The following DIP2B variants were observed in gnomAD, a reference collection of about 807,000 sequenced individuals.
DIP2B encodes DIP2 acetate--CoA ligase B (putative).
DIP2B carries 76 observed loss-of-function variants against 198.0 expected under a neutral mutation model. The observed-to-expected ratio is 0.38, with a 90% CI of 0.32 to 0.46. DIP2B has a LOEUF of 0.46. Ranked by LOEUF, DIP2B falls within the 20% of genes least tolerant of loss-of-function variation. DIP2B has a pLI of 0.99. For missense variants in DIP2B, 1,559 were observed against 1,978.4 expected (o/e 0.79, Z 4.02); for synonymous variants, 701 against 739.1 (o/e 0.95, Z 0.84).
At chr12:50,650,359 T>C (rs1938432458) in intron 3 of DIP2B, among the ~76,000 whole-genome samples, 2 of 152,260 alleles carry the variant, frequency 1.3e-5, no homozygotes, top group South Asian at 4.1e-4. Flanking sequence ...TTTGACAGTT[T>C]TTAAGTATAC....
At position 50,722,315 on chromosome 12, in the gene DIP2B, T is replaced by C. The variant is rs181483092; in HGVS notation, c.3167-887T>C. On this transcript the variant is annotated intron_variant, in intron 26 of 37. Transcript: ENST00000301180. Reference sequence around the variant, plus strand: ...TTATTTTATTTTTGAGACGGAGCCTTGCTCTGCCACCCACTGCAACCTCCG... The same window carrying C: ...TTATTTTATTTTTGAGACGGAGCCTCGCTCTGCCACCCACTGCAACCTCCG... Among the ~76,000 whole-genome samples, 10 of 151,752 alleles carry C rather than the reference T, an allele frequency of 6.6e-5. No individual in the cohort carries two copies. In the East Asian group the frequency reaches 1.7e-3, roughly 26 times the overall value.
intron 1 of DIP2B, 30 bp from the exon 2 acceptor site, chr12:50,625,946 A>AT: frequency 6.2e-7 from 1 of 1,607,084 alleles, no homozygotes; most frequent in Non-Finnish European, 8.5e-7. Flanking sequence ...AGAATAATGC[A>AT]TAACCTATTT....
chr12:50,719,082 C>A (rs1007291218), intron 25 of DIP2B, 47 bp downstream of exon 25: 7 of 1,574,864 alleles, frequency 4.4e-6, no homozygotes, highest in Non-Finnish European at 6.1e-6. Flanking sequence ...TACTATAGGA[C>A]CATCTTAGGC....
At chr12:50,715,522 C>CT (rs1397843965) in intron 23 of DIP2B, among the ~76,000 whole-genome samples, 2 of 152,084 alleles carry the variant, frequency 1.3e-5, no homozygotes, top group Non-Finnish European at 2.9e-5. Context: ...TTTCATTGTC[C>CT]TAAACAAGTG....
intron 1 of DIP2B, among the ~76,000 whole-genome samples, chr12:50,570,176 G>C (rs560028023): frequency 2.6e-5 from 4 of 152,190 alleles, no homozygotes; most frequent in African/African-American, 9.6e-5. Flanking sequence ...TTTTCCTTTA[G>C]ATATCCGATT....
In DIP2B at chr12:50,620,240, G is replaced by A. The variant is rs576487154; in HGVS notation, c.101-5736G>A. On this transcript the variant is annotated intron_variant, in intron 1 of 37. Transcript: ENST00000301180. ...CCCTACCACCTTGTGGCTTTTAGGA[G>A]GCTTGGGTGGCTGGCAGGCTCACGC... Among the ~76,000 whole-genome samples, 3 of 152,302 alleles carry A rather than the reference G, an allele frequency of 2.0e-5. No individual in the cohort carries two copies. In the East Asian group the frequency reaches 5.8e-4, roughly 29 times the overall value.
At chr12:50,724,907 G>C in intron 28 of DIP2B, 21 bp downstream of exon 28, 1 of 1,607,804 alleles carries the variant, frequency 6.2e-7, no homozygotes. Context: ...GACTTCTTCT[G>C]AGGGTGGAGG....
intron 1 of DIP2B, among the ~76,000 whole-genome samples, chr12:50,581,982 C>G (rs79382803): frequency 2.0e-5 from 3 of 151,974 alleles, no homozygotes; most frequent in African/African-American, 2.4e-5. Context: ...ACTGAATCCT[C>G]GAGTTAGGCC....
chr12:50,511,877 G>A lies in DIP2B; in HGVS notation c.100+6637G>A, dbSNP rs186208885. ...GCAGGAGAATTGCTTGAACTCAGGA[G>A]GCAGATGTTGCAGTGAGCCGAGATC... On this transcript the variant is annotated intron_variant, in intron 1 of 37. Transcript: ENST00000301180. 1.2e-4 allele frequency among the ~76,000 whole-genome samples: 18 copies of A among 147,838 alleles called. No individual in the cohort carries two copies. In the East Asian group the frequency reaches 2.3e-3, roughly 19 times the overall value.
rs760105891 is a variant in DIP2B, at chr12:50,714,606, T to C, written c.2851+10T>C. The C allele has an allele frequency of 3.7e-5, 59 of 1,613,788 alleles. 2 individuals are homozygous for C. The South Asian group carries it at 5.5e-4, about 15-fold the overall frequency. On this transcript the variant is annotated intron_variant, in intron 23 of 37. Coordinates refer to ENST00000301180, the MANE Select transcript of DIP2B (RefSeq NM_173602.3). ...CGGCAAAAACAACCAGGTAATATGCTGGCTTCCAAGACCTGGCACTAAAAT... is the reference window on the plus strand; with the variant it reads ...CGGCAAAAACAACCAGGTAATATGCCGGCTTCCAAGACCTGGCACTAAAAT...
intron 1 of DIP2B, among the ~76,000 whole-genome samples, chr12:50,597,115 A>C (rs1407230986): frequency 3.3e-5 from 5 of 152,182 alleles, no homozygotes; most frequent in Non-Finnish European, 5.9e-5. Flanking sequence ...GACACCATTT[A>C]TACCAAGGCA....
Position 50,699,060 on chromosome 12 carries a change from C to T in DIP2B, c.2189-6C>T, listed in dbSNP as rs757429929. 5.0e-6 allele frequency: 8 copies of T among 1,613,686 alleles called. No homozygotes were observed. The highest frequency in any genetic ancestry group is 4.4e-5 in the South Asian group (4 of 91,034). ...TGTCCTTTAACCTGTATTTTCTGTA[C>T]GTTAGGGATGATGTGCATTGTGAAA... On this transcript the variant is annotated splice_region_variant and splice_polypyrimidine_tract_variant and intron_variant, in intron 18 of 37. Transcript: ENST00000301180.
chr12:50,536,905 C>T (rs981153681), intron 1 of DIP2B, among the ~76,000 whole-genome samples: 16 of 150,774 alleles, frequency 1.1e-4, no homozygotes, highest in African/African-American at 3.9e-4. Context: ...TAATGCAAGG[C>T]ATATGCTTAA....
chr12:50,542,014 C>T (rs1452579279), intron 1 of DIP2B, among the ~76,000 whole-genome samples: 3 of 125,636 alleles, frequency 2.4e-5, no homozygotes, highest in African/African-American at 9.2e-5. Flanking sequence ...AAAAAGAGAC[C>T]GGGCGCGGTG....
At chr12:50,505,508 CCCAAAACCCGAGACAAAG>C (rs1358504592) in intron 1 of DIP2B, among the ~76,000 whole-genome samples, 1 of 152,190 alleles carries the variant, frequency 6.6e-6, no homozygotes, top group African/African-American at 2.4e-5. Flanking sequence ...CTTCCTGCCC[CCCAAAACCCGAGACAAAG>C]CTGCGCCCTC....
At chr12:50,731,332 G>T (rs770931100) in intron 30 of DIP2B, 37 bp from the exon 31 acceptor site, 1 of 1,601,274 alleles carries the variant, frequency 6.2e-7, no homozygotes. Context: ...TATCCAGGAT[G>T]AATTGATGAT....
In DIP2B at chr12:50,625,205, G is replaced by A. The variant is rs112720458; in HGVS notation, c.101-771G>A. 1.2e-3 allele frequency among the ~76,000 whole-genome samples: 182 copies of A among 151,936 alleles called. 1 individual carries two copies. Among genetic ancestry groups the A allele is most frequent in the African/African-American group, 3.7e-3 (153 of 41,412 alleles). ...TTTAAATCACTCATTCTCCCTTAAC[G>A]TCCTCTTGTTTCTCTGCATTTCCTG... On this transcript the variant is annotated intron_variant, in intron 1 of 37. Transcript: ENST00000301180.
At chr12:50,708,910 A>G (rs567252354) in intron 22 of DIP2B, among the ~76,000 whole-genome samples, 4 of 152,268 alleles carry the variant, frequency 2.6e-5, no homozygotes, top group African/African-American at 9.6e-5. Flanking sequence ...ACTGTGTGTC[A>G]TAAGTGGTGC....
rs537281808 is a variant in DIP2B, at chr12:50,740,574, C to T, written c.4355-842C>T. Among the ~76,000 whole-genome samples the T allele has an allele frequency of 3.9e-5, 6 of 152,354 alleles. No individual in the cohort carries two copies. The East Asian group carries it at 1.2e-3, about 29-fold the overall frequency. ...TTTTTGTCATCAGTCTTCATGAGCTCACCAGGTGATGGGAGCCTCTGCTGC... is the reference window on the plus strand; with the variant it reads ...TTTTTGTCATCAGTCTTCATGAGCTTACCAGGTGATGGGAGCCTCTGCTGC... On this transcript the variant is annotated intron_variant, in intron 36 of 37. Coordinates refer to ENST00000301180, the MANE Select transcript of DIP2B (RefSeq NM_173602.3).
Sources: allele counts gnomAD v4.1 joint callset (sites outside exome capture counted in the v4.1 genomes callset), GRCh38; gene constraint gnomAD v4.1.1; transcripts MANE v1.5; gene names NCBI Gene and HGNC (gene_info 2026-07-23, HGNC 2026-07-21).